PHACTR4: variants seen among roughly 807,000 people sequenced by gnomAD.
PHACTR4 encodes protein phosphatase 1, regulatory subunit 124.
In PHACTR4, 51 loss-of-function variants were observed where a neutral mutation model predicts 72.7. The ratio of observed to expected loss-of-function variants is 0.70; its 90% confidence interval spans 0.56 to 0.89. PHACTR4 has a LOEUF of 0.89. PHACTR4 is among the 40% of genes least tolerant of loss of function. The pLI is 0.00. For synonymous variants in PHACTR4, 255 were observed against 302.5 expected (o/e 0.84, Z 1.63); for missense variants, 731 against 861.8 (o/e 0.85, Z 1.90).
chr1:28,385,445 G>A (rs537929397), intron 1 of PHACTR4, among the ~76,000 whole-genome samples: 6 of 150,476 alleles, frequency 4.0e-5, no homozygotes, highest in Non-Finnish European at 8.8e-5. Flanking sequence ...TTGAAAGGCC[G>A]AGACAGGAGA....
intron 1 of PHACTR4, among the ~76,000 whole-genome samples, chr1:28,398,469 C>T (rs550990744): frequency 9.2e-5 from 14 of 151,934 alleles, no homozygotes; most frequent in East Asian, 1.9e-4. Context: ...TGCAGTGAGC[C>T]GAGATCATGC....
intron 1 of PHACTR4, among the ~76,000 whole-genome samples, chr1:28,402,402 T>A (rs989396329): frequency 6.6e-6 from 1 of 152,122 alleles, no homozygotes; most frequent in Admixed American, 6.6e-5. Flanking sequence ...GGGGAGATGT[T>A]CAGCCTGGAA....
At chr1:28,421,062 T>G (rs1463082054) in intron 2 of PHACTR4, among the ~76,000 whole-genome samples, 1 of 152,216 alleles carries the variant, frequency 6.6e-6, no homozygotes, top group African/African-American at 2.4e-5. Flanking sequence ...TTGAACAATT[T>G]GTCAGTTTTT....
At chr1:28,382,725 A>G (rs1170671240) in intron 1 of PHACTR4, among the ~76,000 whole-genome samples, 1 of 152,072 alleles carries the variant, frequency 6.6e-6, no homozygotes, top group African/African-American at 2.4e-5. Context: ...ATTTTTGTAT[A>G]TAGAGTAAGG....
intron 1 of PHACTR4, among the ~76,000 whole-genome samples, chr1:28,376,299 T>A (rs1328423794): frequency 7.1e-6 from 1 of 141,716 alleles, no homozygotes. Context: ...GGTGACAGAG[T>A]GAGACCTTGT....
chr1:28,382,386 C>G (rs548324956), intron 1 of PHACTR4, among the ~76,000 whole-genome samples: 6 of 152,088 alleles, frequency 3.9e-5, no homozygotes, highest in African/African-American at 1.4e-4. Flanking sequence ...TCACTGCAAG[C>G]TCCGGCTCCT....
chr1:28,404,590 A>T (rs141157414), intron 1 of PHACTR4, among the ~76,000 whole-genome samples: 7 of 152,048 alleles, frequency 4.6e-5, no homozygotes, highest in African/African-American at 1.7e-4. Context: ...GCCTTGACAT[A>T]TGTTTTTATT....
intron 8 of PHACTR4, 132 bp from the exon 9 acceptor site, chr1:28,480,319 G>A (rs1261209738): frequency 9.7e-7 from 1 of 1,035,880 alleles, no homozygotes; most frequent in Admixed American, 2.7e-5. Context: ...TGTTCAGCTG[G>A]ATCATTTGAG....
At chr1:28,377,526 C>T (rs1651780243) in intron 1 of PHACTR4, among the ~76,000 whole-genome samples, 1 of 152,018 alleles carries the variant, frequency 6.6e-6, no homozygotes, top group Non-Finnish European at 1.5e-5. Context: ...AGGCATGAGC[C>T]ACCACACCCA....
intron 2 of PHACTR4, among the ~76,000 whole-genome samples, chr1:28,446,546 C>T (rs1450811472): frequency 2.0e-5 from 3 of 152,008 alleles, no homozygotes; most frequent in Non-Finnish European, 2.9e-5. Context: ...TTTGGGAGGC[C>T]GAGGCAGGTG....
chr1:28,458,272 G>T (rs547773625), intron 2 of PHACTR4, among the ~76,000 whole-genome samples: 1 of 152,142 alleles, frequency 6.6e-6, no homozygotes, highest in South Asian at 2.1e-4. Context: ...CTCCTGAGTA[G>T]TTGGGACTAC....
Position 28,466,435 on chromosome 1 carries a change from C to G in PHACTR4, c.490C>G (p.Pro164Ala), listed in dbSNP as rs373715544. 1.2e-6 allele frequency: 2 copies of G among 1,614,086 alleles called. No individual in the cohort carries two copies. Among genetic ancestry groups the G allele is most frequent in the Middle Eastern group, 1.6e-4 (1 of 6,062 alleles). Residue 164 changes from proline to alanine, a missense_variant, in exon 6 of 14, where the codon CCC becomes GCC. Physicochemically the swap from Pro to Ala is conservative, Grantham distance 27. Transcript: ENST00000373839. ...SEAESVPENV[P>A]KPPLLPPKRP... ...AGCAGAGTCTGTTCCTGAGAATGTA[C>G]CCAAACCACCTTTACTTCCTCCCAA...
chr1:28,474,152 G>A lies in PHACTR4; in HGVS notation c.1421+1G>A. ...CCATCACTATTGAAATGCTAAAAGT[G>A]TAAGTGCCTTTAAAGCTTGCCTCTT... On this transcript the variant is annotated splice_donor_variant, in intron 7 of 13. Coordinates refer to ENST00000373839, the MANE Select transcript of PHACTR4 (RefSeq NM_001048183.3). LOFTEE classifies it high-confidence loss of function. 6.2e-7 allele frequency: 1 copy of A among 1,601,810 alleles called. No homozygotes were observed. The highest frequency in any genetic ancestry group is 8.5e-7 in the Non-Finnish European group (1 of 1,173,242).
chr1:28,491,826 C>T, intron 12 of PHACTR4, 39 bp downstream of exon 12: 1 of 1,592,512 alleles, frequency 6.3e-7, no homozygotes, highest in Non-Finnish European at 8.5e-7. Flanking sequence ...TTCTCTTTCT[C>T]TTTTTCTCTT....
At chr1:28,427,089 A>G (rs564516162) in intron 2 of PHACTR4, among the ~76,000 whole-genome samples, 14 of 152,324 alleles carry the variant, frequency 9.2e-5, no homozygotes, top group African/African-American at 2.9e-4. Context: ...AGTATTGGAC[A>G]GTACACATAG....
intron 1 of PHACTR4, among the ~76,000 whole-genome samples, chr1:28,402,419 ATTTG>A (rs374216237): frequency 1.2e-3 from 184 of 152,226 alleles, no homozygotes; most frequent in African/African-American, 4.3e-3. Flanking sequence ...GGAAATAAGA[ATTTG>A]TTTGTATCAT....
At chr1:28,376,883 T>C (rs1651719032) in intron 1 of PHACTR4, among the ~76,000 whole-genome samples, 1 of 150,658 alleles carries the variant, frequency 6.6e-6, no homozygotes, top group East Asian at 2.0e-4. Flanking sequence ...GTGATCCACC[T>C]GTCTCGGCCT....
At chr1:28,378,481 T>TGACA (rs1379629366) in intron 1 of PHACTR4, among the ~76,000 whole-genome samples, 4 of 151,378 alleles carry the variant, frequency 2.6e-5, no homozygotes, top group African/African-American at 7.3e-5. Context: ...CCAGCCTGGG[T>TGACA]GACAGAGTGA....
rs531142001 is a variant in PHACTR4, at chr1:28,484,642, C to T, written c.1760+4038C>T. Among the ~76,000 whole-genome samples, 14 of 150,854 alleles carry T rather than the reference C, an allele frequency of 9.3e-5. No homozygotes were observed. In the South Asian group the frequency reaches 2.9e-3, roughly 32 times the overall value. ...TATATGGATTTGATGGCCATATAAA[C>T]TCTCTCTTTTTTTTTTTCCTACCTT... is the stretch of plus-strand genomic sequence containing the variant. On this transcript the variant is annotated intron_variant, in intron 9 of 13. Coordinates refer to ENST00000373839, the MANE Select transcript of PHACTR4 (RefSeq NM_001048183.3).
Sources: gnomAD v4.1 joint callset for allele counts (sites outside exome capture counted in the v4.1 genomes callset) on GRCh38, gnomAD v4.1.1 for gene constraint, MANE v1.5 for transcripts, NCBI Gene and HGNC (gene_info 2026-07-23, HGNC 2026-07-21) for gene names.